The following FAM186A variants were observed in gnomAD, a reference collection of about 807,000 sequenced individuals.
FAM186A encodes family with sequence similarity 186 member A.
FAM186A carries 163 observed loss-of-function variants against 216.8 expected under a neutral mutation model. The observed-to-expected ratio is 0.75, with a 90% CI of 0.66 to 0.86. The LOEUF (loss-of-function observed/expected upper bound fraction) is 0.86. Among genes scored for constraint, FAM186A ranks in the 40% least tolerant of loss-of-function variants. The pLI, the probability that FAM186A is intolerant of heterozygous loss-of-function variation, is 0.00. For synonymous variants in FAM186A, 805 were observed against 1,025.3 expected, an observed-to-expected ratio of 0.79 and a Z score of 4.10; for missense variants, 2,184 against 2,746.2, an observed-to-expected ratio of 0.80 and a Z score of 4.58.
At chr12:50,343,408 A>C (rs558319169) in intron 4 of FAM186A, among the ~76,000 whole-genome samples, 1 of 152,206 alleles carries the variant, frequency 6.6e-6, no homozygotes, top group South Asian at 2.1e-4. Context: ...TTGAACATTC[A>C]GGGTTTTTTT....
chr12:50,353,885 T>G lies in FAM186A; in HGVS notation c.2947A>C (p.Lys983Gln). The G allele has an allele frequency of 6.4e-7, 1 of 1,552,018 alleles. No individual in the cohort carries two copies. The highest frequency in any genetic ancestry group is 8.7e-7 in the Non-Finnish European group (1 of 1,147,156). ...TTCATCTGCATCTGATCCTTTGTTT[T>G]GATCTGCCTTTCGAGGTCCTCTAGC... Reference protein sequence around the residue: ...RGLEDLERQIKTKDQMQMKET... With the variant: ...RGLEDLERQIQTKDQMQMKET... The change falls in exon 4 of 8, where the codon AAA (lysine) becomes CAA (glutamine). Residue 983 changes from lysine to glutamine, a missense_variant. Transcript: ENST00000327337.
Position 50,351,126 on chromosome 12 carries a change from A to G in FAM186A, c.5706T>C (p.Ala1902=). The G allele has an allele frequency of 1.3e-6, 2 of 1,551,182 alleles. No homozygotes were observed. Among genetic ancestry groups the G allele is most frequent in the Non-Finnish European group, 1.7e-6 (2 of 1,146,858 alleles). ...ATAEQSPYLQ[A]PSTPGQHLAT... is the part of the protein sequence containing the mutation. ...CCAGATGCTGCCCAGGGGTAGAAGG[A>G]GCCTGCAGATAGGGAGATTGCTCAG... The change falls in exon 4 of 8, where the codon GCT becomes GCC. Residue 1902 remains alanine, a synonymous_variant. Transcript: ENST00000327337.
intron 1 of FAM186A, chr12:50,365,781 A>G (rs548528396): frequency 1.6e-4 from 121 of 756,412 alleles, no homozygotes; most frequent in Middle Eastern, 2.7e-4. Context: ...GAAGTACAAC[A>G]TGTGATCCGT....
At position 50,351,429 on chromosome 12, in the gene FAM186A, G is replaced by A. The variant is rs563668989; in HGVS notation, c.5403C>T (p.Thr1801=). The A allele has an allele frequency of 6.8e-7, 1 of 1,467,836 alleles. No homozygotes were observed. The highest frequency in any genetic ancestry group is 1.4e-5 in the African/African-American group (1 of 70,132). The allele number at this position is 1,467,836 out of a possible 1,614,324, so 90.9% of individuals were successfully genotyped here. The change falls in exon 4 of 8, where the codon ACC becomes ACT. Residue 1801 remains threonine, a synonymous_variant. Coordinates refer to ENST00000327337, the MANE Select transcript of FAM186A (RefSeq NM_001145475.3). ...AAGTGGATTGACCTCCGTATACCAG[G>A]GTCTGTCCAGAGGAACGAAGAGTCT... ...APQTLRSSGQ[T]LVYGGQSTSA...
intron 4 of FAM186A, among the ~76,000 whole-genome samples, chr12:50,347,975 C>A (rs1185110109): frequency 6.6e-6 from 1 of 150,628 alleles, no homozygotes; most frequent in Non-Finnish European, 1.5e-5. Flanking sequence ...CGGGTTCAAG[C>A]AATTCTTCTG....
chr12:50,354,306 C>T lies in FAM186A; in HGVS notation c.2526G>A (p.Gln842=), dbSNP rs374702099. The T allele has an allele frequency of 1.4e-5, 22 of 1,551,558 alleles. No individual in the cohort carries two copies. Among genetic ancestry groups the T allele is most frequent in the Non-Finnish European group, 1.8e-5 (21 of 1,147,004 alleles). ...EQMSGMSLKQ[Q]LLGERNLLKE... ...TCAAGAGATTTCTTTCTCCCAGCAACTGCTGTTTGAGACTCATGCCAGACA... is the reference window on the plus strand; with the variant it reads ...TCAAGAGATTTCTTTCTCCCAGCAATTGCTGTTTGAGACTCATGCCAGACA... Residue 842 remains glutamine (Q), a synonymous_variant, in exon 4 of 8, where the codon CAG becomes CAA. Coordinates refer to ENST00000327337, the MANE Select transcript of FAM186A (RefSeq NM_001145475.3).
At chr12:50,349,455 C>T (rs936652270) in intron 4 of FAM186A, among the ~76,000 whole-genome samples, 2 of 152,138 alleles carry the variant, frequency 1.3e-5, no homozygotes, top group South Asian at 4.1e-4. Context: ...TTCCAAAGTG[C>T]TGGGATTACA....
chr12:50,378,618 G>GTA (rs58153912), intron 1 of FAM186A, among the ~76,000 whole-genome samples: 6 of 137,808 alleles, frequency 4.4e-5, no homozygotes, highest in African/African-American at 1.5e-4. Context: ...TATGTAAATT[G>GTA]TATATATATA....
In FAM186A at chr12:50,330,562, C is replaced by T. The variant is rs1464561749; in HGVS notation, c.7034+11G>A. ...GCCCAATTACCAGAGTGCTTCCAGTCCATAACTTACCGTGATTGGAGGGAT... is the reference window on the plus strand; with the variant it reads ...GCCCAATTACCAGAGTGCTTCCAGTTCATAACTTACCGTGATTGGAGGGAT... On this transcript the variant is annotated intron_variant, in intron 7 of 7. Transcript: ENST00000327337. 1 of 1,548,632 alleles carries T rather than the reference C, an allele frequency of 6.5e-7. No homozygotes were observed. Among genetic ancestry groups the T allele is most frequent in the African/African-American group, 1.4e-5 (1 of 72,888 alleles).
intron 3 of FAM186A, 36 bp downstream of exon 3, chr12:50,360,720 A>C (rs1237036566): frequency 1.4e-6 from 2 of 1,473,736 alleles, no homozygotes; most frequent in Non-Finnish European, 1.8e-6. Context: ...GTCAAACTCC[A>C]TCTACTCCAA....
chr12:50,330,611 C>T lies in FAM186A; in HGVS notation c.6996G>A (p.Gln2332=). 2 of 1,550,746 alleles carry T rather than the reference C, an allele frequency of 1.3e-6. No individual in the cohort carries two copies. Among genetic ancestry groups the T allele is most frequent in the African/African-American group, 1.4e-5 (1 of 73,112 alleles). ...DIPRLLQLEV[Q]STFRKSLASL... The stretch of plus-strand genomic sequence containing the variant: ...ATGCAAGAGATTTTCGGAAGGTAGA[C>T]TGCACTTCTAACTGAAGCAGCCTGG... Residue 2332 remains glutamine (Q), a synonymous_variant, in exon 7 of 8, where the codon CAG becomes CAA. Coordinates refer to ENST00000327337, the MANE Select transcript of FAM186A (RefSeq NM_001145475.3).
rs1325556099 is a variant in FAM186A, at chr12:50,354,570, C to CT, written c.2261dup (p.Val755GlyfsTer16). On this transcript the variant is annotated frameshift_variant, in exon 4 of 8. Transcript: ENST00000327337. LOFTEE classifies it high-confidence loss of function. ...GCAATCCTGGCATAAATGAGACTAC[C>CT]TTTTTTTGTTTTATAGGTTTCTCTC... The CT allele has an allele frequency of 5.8e-6, 9 of 1,551,008 alleles. No homozygotes were observed. Among genetic ancestry groups the CT allele is most frequent in the South Asian group, 1.2e-5 (1 of 83,784 alleles).
Position 50,334,074 on chromosome 12 carries a change from A to T in FAM186A, c.6533T>A (p.Ile2178Asn). Reference sequence around the variant, plus strand: ...CTCATAGCCTTTCCCAGTATTTTGGATGGCTTTTAGTCGTTTCATTATGTT... The same window carrying T: ...CTCATAGCCTTTCCCAGTATTTTGGTTGGCTTTTAGTCGTTTCATTATGTT... The part of the protein sequence containing the change: ...RNNIMKRLKA[I>N]QNTGKGYEAR... The change falls in exon 5 of 8, where the codon ATC becomes AAC. Residue 2178 changes from isoleucine (I) to asparagine (N), a missense_variant. Coordinates refer to ENST00000327337, the MANE Select transcript of FAM186A (RefSeq NM_001145475.3). The T allele has an allele frequency of 6.5e-7, 1 of 1,549,234 alleles. No homozygotes were observed. The highest frequency in any genetic ancestry group is 8.7e-7 in the Non-Finnish European group (1 of 1,146,330).
In FAM186A at chr12:50,354,195, G is replaced by C. The variant is rs769424032; in HGVS notation, c.2637C>G (p.Ser879Arg). The C allele has an allele frequency of 6.4e-7, 1 of 1,551,304 alleles. No homozygotes were observed. Among genetic ancestry groups the C allele is most frequent in the Admixed American group, 2.0e-5 (1 of 50,948 alleles). The change falls in exon 4 of 8, where the codon AGC becomes AGG. Residue 879 changes from serine (S) to arginine (R), a missense_variant. Coordinates refer to ENST00000327337, the MANE Select transcript of FAM186A (RefSeq NM_001145475.3). The part of the protein sequence containing the change: ...QMKEGKQEQQ[S>R]QKQWQEEEMW... ...TCTCTTCTTCCTGCCACTGTTTCTG[G>C]CTCTGTTGTTCTTGCTTTCCCTCCT... is the stretch of plus-strand genomic sequence containing the variant.
chr12:50,356,312 G>A (rs550222724), intron 3 of FAM186A, 64 bp from the exon 4 acceptor site: 1 of 1,318,040 alleles, frequency 7.6e-7, no homozygotes, highest in South Asian at 1.6e-5. Flanking sequence ...TTCTATCTAT[G>A]TTTAAATCTA....
intron 4 of FAM186A, among the ~76,000 whole-genome samples, chr12:50,334,326 C>T (rs1397410033): frequency 6.6e-6 from 1 of 152,038 alleles, no homozygotes; most frequent in Non-Finnish European, 1.5e-5. Flanking sequence ...TGCGCACCAC[C>T]ATGCCCAGCT....
chr12:50,393,741 T>G (rs969594521), intron 1 of FAM186A, among the ~76,000 whole-genome samples: 2 of 151,916 alleles, frequency 1.3e-5, no homozygotes, highest in East Asian at 3.9e-4. Context: ...CTCAGCTACT[T>G]GGGAGGCTGA....
chr12:50,382,041 T>C (rs1347050661), intron 1 of FAM186A, among the ~76,000 whole-genome samples: 1 of 152,016 alleles, frequency 6.6e-6, no homozygotes, highest in South Asian at 2.1e-4. Context: ...TCTTGGAAAG[T>C]TGGTGATTTG....
chr12:50,339,041 G>T (rs1482049543), intron 4 of FAM186A, among the ~76,000 whole-genome samples: 2 of 151,432 alleles, frequency 1.3e-5, no homozygotes, highest in Non-Finnish European at 2.9e-5. Context: ...TTGAGACAGG[G>T]TCTCACTGTG....
Sources: gnomAD v4.1 joint callset for allele counts (sites outside exome capture counted in the v4.1 genomes callset) on GRCh38, gnomAD v4.1.1 for gene constraint, MANE v1.5 for transcripts, NCBI Gene and HGNC (gene_info 2026-07-23, HGNC 2026-07-21) for gene names.